TRAPPC9: variants seen among roughly 807,000 people sequenced by gnomAD.
The protein encoded by TRAPPC9 is trafficking protein particle complex subunit 9.
Under a neutral mutation model 124.0 loss-of-function variants are expected in TRAPPC9, and 83 were observed. The observed-to-expected ratio is 0.67, with a 90% CI of 0.56 to 0.80. TRAPPC9 has a LOEUF of 0.80. TRAPPC9 is among the 30% of genes least tolerant of loss of function. The pLI is 0.00. For missense variants in TRAPPC9, 1,302 were observed against 1,508.3 expected (o/e 0.86, Z 2.27); for synonymous variants, 638 against 617.5 (o/e 1.03, Z -0.49).
intron 21 of TRAPPC9, among the ~76,000 whole-genome samples, chr8:139,732,890 T>C (rs199222): frequency 0.19 from 29,227 of 152,044 alleles, 3,153 homozygotes; most frequent in African/African-American, 0.29. Context: ...CATGGATTCA[T>C]CTCCTCTTCC....
At chr8:140,195,340 AAC>A (rs2062621950) in intron 17 of TRAPPC9, among the ~76,000 whole-genome samples, 1 of 152,102 alleles carries the variant, frequency 6.6e-6, no homozygotes, top group African/African-American at 2.4e-5. Flanking sequence ...GTAACACTAA[AAC>A]ACACTCAATG....
intron 16 of TRAPPC9, among the ~76,000 whole-genome samples, chr8:140,223,119 A>C (rs535963912): frequency 1.3e-5 from 2 of 151,986 alleles, no homozygotes; most frequent in South Asian, 2.1e-4. Context: ...CCCATCACCC[A>C]CGTATTAAAC....
chr8:140,273,378 C>T (rs922937881), intron 15 of TRAPPC9, among the ~76,000 whole-genome samples: 2 of 152,214 alleles, frequency 1.3e-5, no homozygotes, highest in Non-Finnish European at 2.9e-5. Context: ...TGCCTGGCCC[C>T]GGAGTGACAC....
intron 16 of TRAPPC9, among the ~76,000 whole-genome samples, chr8:140,228,742 T>C (rs536577442): frequency 2.6e-5 from 4 of 152,366 alleles, no homozygotes; most frequent in South Asian, 2.1e-4. Context: ...GTGGGGACGA[T>C]TGCACAACCC....
At position 140,182,660 on chromosome 8, in the gene TRAPPC9, G is replaced by A. The variant is rs1331839153; in HGVS notation, c.2556+38799C>T. ...CTCCAATAAAGAATATTAGGAGCTG[G>A]CAGAACAAATCTTTGTGCCATTTGA... On this transcript the variant is annotated intron_variant, in intron 17 of 22. Transcript: ENST00000438773. The surrounding 1 kb of genome is among the most constrained non-coding windows in gnomAD (Gnocchi z 4.0). 6.6e-6 allele frequency among the ~76,000 whole-genome samples: 1 copy of A among 152,130 alleles called. No individual in the cohort carries two copies. Among genetic ancestry groups the A allele is most frequent in the African/African-American group, 2.4e-5 (1 of 41,412 alleles).
At chr8:139,922,864 A>G (rs1273186211) in intron 19 of TRAPPC9, among the ~76,000 whole-genome samples, 1 of 152,226 alleles carries the variant, frequency 6.6e-6, no homozygotes, top group African/African-American at 2.4e-5. Flanking sequence ...TAGAGAGGGA[A>G]AGAATGAGGA....
chr8:140,066,435 C>A (rs1428533105), intron 17 of TRAPPC9, among the ~76,000 whole-genome samples: 2 of 152,132 alleles, frequency 1.3e-5, no homozygotes, highest in African/African-American at 2.4e-5. Flanking sequence ...TAATGTCGCT[C>A]CCCCACGGGC....
At chr8:140,417,055 T>A (rs985228795) in intron 5 of TRAPPC9, among the ~76,000 whole-genome samples, 1 of 152,200 alleles carries the variant, frequency 6.6e-6, no homozygotes, top group African/African-American at 2.4e-5. Context: ...TTACACCTTA[T>A]ACAAAAATTA....
chr8:140,261,161 G>A (rs978579396), intron 15 of TRAPPC9, among the ~76,000 whole-genome samples: 2 of 152,196 alleles, frequency 1.3e-5, no homozygotes, highest in South Asian at 2.1e-4. Flanking sequence ...CACAGAACCC[G>A]CCTAGGTCAT....
At chr8:139,932,655 G>A (rs931172618) in intron 19 of TRAPPC9, 19 of 391,670 alleles carry the variant, frequency 4.9e-5, no homozygotes, top group African/African-American at 1.7e-4. Flanking sequence ...TCCCAGCTAC[G>A]TGGGAGGCTG....
chr8:140,017,329 T>C (rs1038983133), intron 18 of TRAPPC9, among the ~76,000 whole-genome samples: 2 of 152,230 alleles, frequency 1.3e-5, no homozygotes, highest in Admixed American at 1.3e-4. Context: ...GTGCTACATT[T>C]TCTTTGAGAA....
intron 17 of TRAPPC9, among the ~76,000 whole-genome samples, chr8:140,084,125 T>TATC (rs1207332314): frequency 6.6e-6 from 1 of 152,148 alleles, no homozygotes; most frequent in Non-Finnish European, 1.5e-5. Flanking sequence ...AAATGGTAGC[T>TATC]ATTATTATTA....
chr8:140,267,912 T>C (rs972550085), intron 15 of TRAPPC9, among the ~76,000 whole-genome samples: 1 of 152,100 alleles, frequency 6.6e-6, no homozygotes, highest in African/African-American at 2.4e-5. Context: ...GTGATCCACC[T>C]GCCTCGGCCT....
intron 20 of TRAPPC9, among the ~76,000 whole-genome samples, chr8:139,890,968 C>G (rs992296354): frequency 1.3e-5 from 2 of 152,204 alleles, no homozygotes; most frequent in African/African-American, 4.8e-5. Flanking sequence ...CACCTGCTTT[C>G]ACTATGGCTG....
intron 7 of TRAPPC9, among the ~76,000 whole-genome samples, chr8:140,380,882 A>T (rs549549338): frequency 2.0e-5 from 3 of 152,128 alleles, no homozygotes; most frequent in African/African-American, 7.2e-5. Flanking sequence ...CAAAATTAAA[A>T]ACTTTTGTGC....
chr8:139,859,038 C>T (rs1482807775), intron 21 of TRAPPC9, among the ~76,000 whole-genome samples: 1 of 151,294 alleles, frequency 6.6e-6, no homozygotes, highest in Non-Finnish European at 1.5e-5. Flanking sequence ...CCACAGCAGA[C>T]GCTGCCCTTT....
At chr8:140,158,809 G>A (rs76808920) in intron 17 of TRAPPC9, among the ~76,000 whole-genome samples, 5,346 of 152,166 alleles carry the variant, frequency 0.035, 312 homozygotes, top group African/African-American at 0.12. Flanking sequence ...TCTACTATAT[G>A]CCAAACACTA....
chr8:140,331,578 G>A (rs1049515346), intron 9 of TRAPPC9, among the ~76,000 whole-genome samples: 2 of 151,660 alleles, frequency 1.3e-5, no homozygotes, highest in Non-Finnish European at 2.9e-5. Flanking sequence ...ATCCAACAAG[G>A]GACCAATGTC....
rs191375635 is a variant in TRAPPC9 at position 140,247,500 on chromosome 8, G to A, written c.2431+5277C>T. 2.0e-4 allele frequency among the ~76,000 whole-genome samples: 30 copies of A among 150,596 alleles called. No individual in the cohort carries two copies. In the East Asian group the frequency reaches 2.5e-3, roughly 13 times the overall value. ...CAGTAATATAACTAGAATATGTCCC[G>A]CTCATTCTAAGTCAAGATTCTCATG... On this transcript the variant is annotated intron_variant, in intron 16 of 22. Transcript: ENST00000438773.
Sources: gnomAD v4.1 joint callset for allele counts (sites outside exome capture counted in the v4.1 genomes callset) on GRCh38, gnomAD v4.1.1 for gene constraint, Gnocchi (gnomAD v3.1) non-coding constraint, MANE v1.5 for transcripts, NCBI Gene and HGNC (gene_info 2026-07-23, HGNC 2026-07-21) for gene names.